Variants in FBXO16 observed in about 807,000 individuals in gnomAD.
FBXO16 encodes F-box protein 16, also known as F-box only protein 16.
Under a neutral mutation model 41.0 loss-of-function variants are expected in FBXO16, and 31 were observed. The ratio of observed to expected loss-of-function variants is 0.76; its 90% CI spans 0.57 to 1.02. FBXO16 has a LOEUF of 1.02. Ranked by LOEUF, FBXO16 falls within the 50% of genes least tolerant of loss-of-function variation. The pLI, the probability that FBXO16 is intolerant of heterozygous loss-of-function variation, is 0.00. For synonymous variants in FBXO16, 133 were observed against 117.8 expected, an observed-to-expected ratio of 1.13 and a Z score of -0.84; for missense variants, 361 against 346.2, an observed-to-expected ratio of 1.04 and a Z score of -0.34.
chr8:28,457,801 A>T (rs934091851), intron 4 of FBXO16, among the ~76,000 whole-genome samples: 1 of 152,250 alleles, frequency 6.6e-6, no homozygotes, highest in African/African-American at 2.4e-5. Flanking sequence ...AATCACTGAT[A>T]CTATGTGATG....
At chr8:28,473,266 C>T (rs1446694229) in intron 3 of FBXO16, among the ~76,000 whole-genome samples, 1 of 152,176 alleles carries the variant, frequency 6.6e-6, no homozygotes, top group Non-Finnish European at 1.5e-5. Flanking sequence ...AAGCACCTGC[C>T]ATGCTTCTCA....
rs542602960 is a variant in FBXO16, at chr8:28,488,744, T to A, written c.-17+1442A>T. Among the ~76,000 whole-genome samples the A allele has an allele frequency of 2.0e-5, 3 of 152,292 alleles. No homozygotes were observed. The South Asian group carries it at 6.2e-4, about 32-fold the overall frequency. ...AGGTATTTTTTAAAAGACCAGTTGA[T>A]CATGTCACTTTTCAGCTCAAAACCT... is the stretch of plus-strand genomic sequence containing the variant. On this transcript the variant is annotated intron_variant, in intron 1 of 8. Coordinates refer to ENST00000380254, the MANE Select transcript of FBXO16 (RefSeq NM_172366.4).
chr8:28,462,451 C>T (rs899460037), intron 4 of FBXO16, among the ~76,000 whole-genome samples: 4 of 151,486 alleles, frequency 2.6e-5, no homozygotes, highest in Admixed American at 1.3e-4. Flanking sequence ...GCTAATTTTT[C>T]GTATTTTTAG....
chr8:28,481,453 T>C (rs1355350842), intron 2 of FBXO16, among the ~76,000 whole-genome samples: 1 of 152,030 alleles, frequency 6.6e-6, no homozygotes, highest in East Asian at 1.9e-4. Context: ...AAGGGAGCGT[T>C]GGTAGACACT....
At chr8:28,480,540 T>TGAG (rs201447102) in intron 2 of FBXO16, among the ~76,000 whole-genome samples, 1,843 of 152,112 alleles carry the variant, frequency 0.012, 17 homozygotes, top group Middle Eastern at 0.034. Context: ...TCTCACTCTG[T>TGAG]TGCCCAGGCA....
chr8:28,435,460 C>T (rs1802674172), intron 7 of FBXO16, among the ~76,000 whole-genome samples: 1 of 152,052 alleles, frequency 6.6e-6, no homozygotes, highest in South Asian at 2.1e-4. Flanking sequence ...AGGTGTGAGC[C>T]ACCGTGCCTG....
intron 1 of FBXO16, among the ~76,000 whole-genome samples, chr8:28,485,468 C>A (rs1358078821): frequency 1.3e-5 from 2 of 152,140 alleles, no homozygotes; most frequent in Non-Finnish European, 2.9e-5. Context: ...CCACTGTGCC[C>A]GACCTTTGAT....
At chr8:28,477,074 A>T (rs781661337) in intron 2 of FBXO16, among the ~76,000 whole-genome samples, 1 of 151,782 alleles carries the variant, frequency 6.6e-6, no homozygotes, top group Non-Finnish European at 1.5e-5. Flanking sequence ...ATAACTTACT[A>T]ATCTGTTATA....
chr8:28,444,578 C>T (rs984861887), intron 7 of FBXO16, among the ~76,000 whole-genome samples: 4 of 149,724 alleles, frequency 2.7e-5, no homozygotes, highest in African/African-American at 4.9e-5. Flanking sequence ...CCTGGGTTCA[C>T]GCCATTCTCC....
chr8:28,440,268 A>T (rs1240901557), intron 7 of FBXO16, among the ~76,000 whole-genome samples: 1 of 151,760 alleles, frequency 6.6e-6, no homozygotes, highest in Non-Finnish European at 1.5e-5. Context: ...ACACCTTGCT[A>T]ATTATTTTAT....
chr8:28,429,829 G>A (rs1802580766), intron 7 of FBXO16, among the ~76,000 whole-genome samples: 1 of 152,140 alleles, frequency 6.6e-6, no homozygotes, highest in South Asian at 2.1e-4. Context: ...CTCCACACCT[G>A]CCTGAAGTGC....
intron 3 of FBXO16, among the ~76,000 whole-genome samples, chr8:28,468,487 A>G (rs1803280876): frequency 6.6e-6 from 1 of 152,136 alleles, no homozygotes; most frequent in South Asian, 2.1e-4. Context: ...TCTGAGTCCT[A>G]TTATCAAAAA....
chr8:28,487,006 T>C (rs1211596125), intron 1 of FBXO16, among the ~76,000 whole-genome samples: 1 of 152,020 alleles, frequency 6.6e-6, no homozygotes, highest in East Asian at 1.9e-4. Context: ...CTCTCTCCTT[T>C]CCAGTTTGTG....
chr8:28,483,280 G>A (rs1284135165), intron 2 of FBXO16, 68 bp downstream of exon 2: 15 of 1,394,548 alleles, frequency 1.1e-5, no homozygotes, highest in Non-Finnish European at 1.1e-5. Flanking sequence ...ATTTTGGTAA[G>A]TAAAATTTTA....
At chr8:28,455,064 T>G (rs1261331453) in intron 5 of FBXO16, among the ~76,000 whole-genome samples, 5 of 149,540 alleles carry the variant, frequency 3.3e-5, no homozygotes, top group African/African-American at 1.2e-4. Flanking sequence ...TTCTCTTTTA[T>G]TTCATGAATT....
intron 7 of FBXO16, among the ~76,000 whole-genome samples, chr8:28,436,865 C>G (rs1318843389): frequency 6.6e-6 from 1 of 152,208 alleles, no homozygotes; most frequent in Non-Finnish European, 1.5e-5. Flanking sequence ...AATCCTCCCA[C>G]CTGAGCCTCC....
intron 7 of FBXO16, 84 bp downstream of exon 7, chr8:28,447,087 T>A (rs1197679437): frequency 1.6e-6 from 2 of 1,259,060 alleles, no homozygotes; most frequent in African/African-American, 3.0e-5. Context: ...ATTAAATAAA[T>A]GAATTCAATT....
At chr8:28,453,638 C>T (rs1442308383) in intron 5 of FBXO16, among the ~76,000 whole-genome samples, 2 of 151,836 alleles carry the variant, frequency 1.3e-5, no homozygotes, top group East Asian at 3.8e-4. Flanking sequence ...AGTTTGCTTC[C>T]ATTGCTGGTG....
intron 3 of FBXO16, among the ~76,000 whole-genome samples, chr8:28,466,262 T>C (rs903970119): frequency 6.6e-6 from 1 of 152,042 alleles, no homozygotes; most frequent in South Asian, 2.1e-4. Flanking sequence ...AAAAAAACAG[T>C]AGAATAACAG....
Sources: gnomAD v4.1 joint callset for allele counts (sites outside exome capture counted in the v4.1 genomes callset) on GRCh38, gnomAD v4.1.1 for gene constraint, MANE v1.5 for transcripts, NCBI Gene and HGNC (gene_info 2026-07-23, HGNC 2026-07-21) for gene names.